CDK5RAP2: variants seen among roughly 807,000 people sequenced by gnomAD.
The protein encoded by CDK5RAP2 is CDK5 regulatory subunit-associated protein 2.
CDK5RAP2 carries 147 observed loss-of-function variants against 232.9 expected under a neutral mutation model. That is an observed-to-expected ratio of 0.63 (90% CI 0.55 to 0.72). The LOEUF is 0.72. Ranked by LOEUF, CDK5RAP2 falls within the 30% of genes least tolerant of loss-of-function variation. The probability of loss-of-function intolerance (pLI) is 0.00; values close to 1 mark genes in which losing one functional copy is unlikely to be tolerated. For missense variants in CDK5RAP2, 2,195 were observed against 2,231.5 expected (o/e 0.98, Z 0.33); for synonymous variants, 833 against 833.7 (o/e 1.00, Z 0.01).
At chr9:120,526,483 T>C (rs1300820361) in intron 10 of CDK5RAP2, among the ~76,000 whole-genome samples, 1 of 152,134 alleles carries the variant, frequency 6.6e-6, no homozygotes, top group Non-Finnish European at 1.5e-5. Flanking sequence ...TTATTTCTAA[T>C]TACTTTGAAC....
In CDK5RAP2 at chr9:120,559,458, G is replaced by C. The variant is rs183427637; in HGVS notation, c.196-8556C>G. ...GCCGAGATCAGGCCACTGCACTCCA[G>C]CCTGGGCAACACAGAGCAAGACTCT... On this transcript the variant is annotated intron_variant, in intron 3 of 37. Transcript: ENST00000349780. 2.2e-3 allele frequency among the ~76,000 whole-genome samples: 292 copies of C among 135,808 alleles called. 1 individual carries two copies. Among genetic ancestry groups the C allele is most frequent in the African/African-American group, 7.9e-3 (283 of 35,630 alleles). The allele number at this position is 135,808 out of a possible 152,430, so 89.1% of individuals were successfully genotyped here.
rs77812790 is a variant in CDK5RAP2 at position 120,487,464 on chromosome 9, A to C, written c.1483-27T>G. The C allele has an allele frequency of 0.019, 29,710 of 1,552,394 alleles. 342 individuals carry two copies. The highest frequency in any genetic ancestry group is 0.023 in the Non-Finnish European group (26,138 of 1,144,910). On this transcript the variant is annotated intron_variant, in intron 13 of 37. Transcript: ENST00000349780. ...TAATGAAATAAAACAAATTCTAAGG[A>C]AATTGTCATCAAGAAAAAAAATATT...
chr9:120,457,680 C>G (rs540482212), intron 20 of CDK5RAP2, among the ~76,000 whole-genome samples: 4 of 152,338 alleles, frequency 2.6e-5, no homozygotes, highest in Middle Eastern at 6.8e-3. Flanking sequence ...TGGCTCTTAT[C>G]AAGAGTCATG....
chr9:120,389,654 C>T, intron 37 of CDK5RAP2, 87 bp downstream of exon 37: 1 of 1,271,362 alleles, frequency 7.9e-7, no homozygotes, highest in Non-Finnish European at 1.2e-6. Flanking sequence ...GTTCCACCTG[C>T]ACCTTCATTT....
chr9:120,497,524 A>T (rs1241252320), intron 12 of CDK5RAP2, among the ~76,000 whole-genome samples: 2 of 150,988 alleles, frequency 1.3e-5, no homozygotes, highest in Non-Finnish European at 3.0e-5. Context: ...GTCTCAAAAG[A>T]TCTCCCCACA....
In CDK5RAP2 at chr9:120,403,120, C is replaced by T. The variant is rs202205791; in HGVS notation, c.5042-49G>A. 2,124 of 1,591,090 alleles carry T rather than the reference C, an allele frequency of 1.3e-3. 3 individuals are homozygous for T. Among genetic ancestry groups the T allele is most frequent in the Non-Finnish European group, 1.7e-3 (1,979 of 1,159,810 alleles). On this transcript the variant is annotated intron_variant, in intron 33 of 37. Coordinates refer to ENST00000349780, the MANE Select transcript of CDK5RAP2 (RefSeq NM_018249.6). The surrounding 1 kb of genome is among the most constrained non-coding windows in gnomAD (Gnocchi z 4.2). Reference sequence around the variant, plus strand: ...AAAATCTGTTTCAGGTAACACTCTGCGTTCAAGACGCTTATGATGTTGAAG... The same window carrying T: ...AAAATCTGTTTCAGGTAACACTCTGTGTTCAAGACGCTTATGATGTTGAAG...
At chr9:120,527,733 A>G (rs576414831) in intron 10 of CDK5RAP2, 73 bp downstream of exon 10, 17 of 1,559,904 alleles carry the variant, frequency 1.1e-5, no homozygotes, top group Non-Finnish European at 1.4e-5. Flanking sequence ...TCTGAAGCTA[A>G]AAATTCAGGG....
At chr9:120,579,729 C>G (rs556652213) in intron 1 of CDK5RAP2, among the ~76,000 whole-genome samples, 191 bp downstream of exon 1, 1 of 152,354 alleles carries the variant, frequency 6.6e-6, no homozygotes, top group South Asian at 2.1e-4. Flanking sequence ...AATTGTGGTG[C>G]AGGTCGCGGC....
chr9:120,566,385 G>A (rs145716527), intron 3 of CDK5RAP2, among the ~76,000 whole-genome samples: 17 of 152,132 alleles, frequency 1.1e-4, no homozygotes, highest in African/African-American at 4.1e-4. Context: ...AGCAACCAAA[G>A]GACTACAGTC....
intron 11 of CDK5RAP2, among the ~76,000 whole-genome samples, chr9:120,519,173 CAAA>C (rs765274307): frequency 1.0e-5 from 1 of 97,262 alleles, no homozygotes; most frequent in Non-Finnish European, 2.2e-5. Context: ...GACTCCGTCT[CAAA>C]AAAAAAAAAA....
chr9:120,453,562 T>C lies in CDK5RAP2; in HGVS notation c.2687A>G (p.Glu896Gly). 1 of 1,614,146 alleles carries C rather than the reference T, an allele frequency of 6.2e-7. No homozygotes were observed. The highest frequency in any genetic ancestry group is 1.7e-5 in the Admixed American group (1 of 60,026). Residue 896 changes from glutamate to glycine, a missense_variant, in exon 21 of 38, where the codon GAG becomes GGG. Glu to Gly is a moderately conservative substitution (Grantham distance 98). Coordinates refer to ENST00000349780, the MANE Select transcript of CDK5RAP2 (RefSeq NM_018249.6). ...KHEATREAWE[E>G]KPINTALSAE... ...GCTGAGTGCAGTGTTGATCGGTTTC[T>C]CTTCCCAAGCCTCTCTTGTTGCTTC...
chr9:120,565,397 T>A (rs1019976943), intron 3 of CDK5RAP2, among the ~76,000 whole-genome samples: 2 of 152,120 alleles, frequency 1.3e-5, no homozygotes, highest in African/African-American at 4.8e-5. Context: ...ACTCTTCTCC[T>A]CATAGTCACC....
chr9:120,419,047 G>A (rs574009609), intron 27 of CDK5RAP2, among the ~76,000 whole-genome samples: 6 of 152,166 alleles, frequency 3.9e-5, no homozygotes, highest in Non-Finnish European at 7.3e-5. Context: ...GGAGATGATA[G>A]GACCATGAGG....
intron 27 of CDK5RAP2, among the ~76,000 whole-genome samples, chr9:120,416,832 C>T (rs1449381138): frequency 6.6e-6 from 1 of 152,092 alleles, no homozygotes; most frequent in Admixed American, 6.5e-5. Context: ...TGTTATGACC[C>T]AGTTTTAATT....
intron 12 of CDK5RAP2, among the ~76,000 whole-genome samples, chr9:120,508,707 A>G (rs934583823): frequency 6.6e-6 from 1 of 152,088 alleles, no homozygotes; most frequent in Non-Finnish European, 1.5e-5. Context: ...ACAGCTACCT[A>G]TCCTTCAAGT....
At chr9:120,543,797 G>T (rs540305165) in intron 5 of CDK5RAP2, among the ~76,000 whole-genome samples, 4 of 152,320 alleles carry the variant, frequency 2.6e-5, no homozygotes, top group East Asian at 3.9e-4. Context: ...GGCGGAGGTT[G>T]CAGTGAGCCG....
intron 3 of CDK5RAP2, among the ~76,000 whole-genome samples, chr9:120,564,340 A>G (rs994947565): frequency 6.6e-6 from 1 of 152,022 alleles, no homozygotes; most frequent in Non-Finnish European, 1.5e-5. Context: ...AATACAAAAA[A>G]TTAGCCAGGC....
At chr9:120,395,591 C>T (rs567006619) in intron 35 of CDK5RAP2, among the ~76,000 whole-genome samples, 2 of 152,350 alleles carry the variant, frequency 1.3e-5, no homozygotes, top group South Asian at 2.1e-4. Context: ...TGGCACAGGC[C>T]GCTCTCTGCT....
chr9:120,568,752 C>T (rs1398167370), intron 2 of CDK5RAP2, among the ~76,000 whole-genome samples: 1 of 152,136 alleles, frequency 6.6e-6, no homozygotes. Context: ...ATCTAACTGA[C>T]TTGACAGCAG....
Sources: gnomAD v4.1 joint callset for allele counts (sites outside exome capture counted in the v4.1 genomes callset) on GRCh38, gnomAD v4.1.1 for gene constraint, Gnocchi (gnomAD v3.1) non-coding constraint, MANE v1.5 for transcripts, NCBI Gene and HGNC (gene_info 2026-07-23, HGNC 2026-07-21) for gene names.